The following MAPRE2 variants were observed in gnomAD, a reference collection of about 807,000 sequenced individuals.
MAPRE2 encodes microtubule associated protein RP/EB family member 2, also known as microtubule-associated protein RP/EB family member 2.
In MAPRE2, 13 loss-of-function variants were observed where a neutral mutation model predicts 43.2. That is an observed-to-expected ratio of 0.30 (90% CI 0.20 to 0.48). The LOEUF is 0.48. Among genes scored for constraint, MAPRE2 ranks in the 20% least tolerant of loss-of-function variants. MAPRE2 has a pLI of 0.99. For missense variants in MAPRE2, 161 were observed against 400.2 expected, an observed-to-expected ratio of 0.40 and a Z score of 5.10; for synonymous variants, 135 against 148.8, an observed-to-expected ratio of 0.91 and a Z score of 0.68.
chr18:35,070,193 A>T lies in MAPRE2; in HGVS notation c.123-2A>T. ...GTTAAATAAACTTTGTTTTTTTTCT[A>T]GTTGGGGAATGGCGGTCAATGTGTA... On this transcript the variant is annotated splice_acceptor_variant, in intron 1 of 6. Coordinates refer to ENST00000300249, the MANE Select transcript of MAPRE2 (RefSeq NM_014268.4). LOFTEE classifies it high-confidence loss of function. 1.3e-6 allele frequency: 2 copies of T among 1,574,170 alleles called. No homozygotes were observed. Among genetic ancestry groups the T allele is most frequent in the Admixed American group, 4.0e-5 (2 of 49,392 alleles).
intron 2 of MAPRE2, among the ~76,000 whole-genome samples, chr18:35,031,475 C>A (rs902217162): frequency 6.6e-6 from 1 of 152,154 alleles, no homozygotes; most frequent in Non-Finnish European, 1.5e-5. Context: ...TTCAAAAGTA[C>A]ATTTTTGTTT....
intron 1 of MAPRE2, among the ~76,000 whole-genome samples, chr18:35,055,319 G>A (rs1294086328): frequency 6.6e-6 from 1 of 152,068 alleles, no homozygotes; most frequent in African/African-American, 2.4e-5. Context: ...TTGGCTTGCA[G>A]CTTCATCACG....
intron 1 of MAPRE2, among the ~76,000 whole-genome samples, chr18:34,979,086 T>A (rs2097014728): frequency 6.6e-6 from 1 of 152,136 alleles, no homozygotes; most frequent in South Asian, 2.1e-4. Flanking sequence ...GAAAAGACGC[T>A]GAAACTGGAG....
At chr18:34,996,184 A>T (rs766098934) in intron 1 of MAPRE2, among the ~76,000 whole-genome samples, 32 of 152,082 alleles carry the variant, frequency 2.1e-4, no homozygotes, top group Non-Finnish European at 4.3e-4. Flanking sequence ...CTGTGATATG[A>T]TTATTTTGTG....
At chr18:35,010,229 A>G (rs2097033832) in intron 2 of MAPRE2, among the ~76,000 whole-genome samples, 1 of 152,144 alleles carries the variant, frequency 6.6e-6, no homozygotes, top group Admixed American at 6.5e-5. Context: ...TCTCTACAAA[A>G]AAAATAAATA....
intron 1 of MAPRE2, among the ~76,000 whole-genome samples, chr18:34,985,094 T>C (rs2097018853): frequency 1.1e-5 from 1 of 88,370 alleles, no homozygotes; most frequent in Admixed American, 2.1e-4. Context: ...AAATATATAT[T>C]ATATAATATA....
chr18:35,090,286 AG>A (rs1307094877), intron 2 of MAPRE2, among the ~76,000 whole-genome samples: 1 of 152,196 alleles, frequency 6.6e-6, no homozygotes, highest in African/African-American at 2.4e-5. Context: ...GTTGAACTTT[AG>A]GGTATATGAA....
At chr18:34,996,038 G>C (rs1303868949) in intron 1 of MAPRE2, among the ~76,000 whole-genome samples, 1 of 152,162 alleles carries the variant, frequency 6.6e-6, no homozygotes, top group Non-Finnish European at 1.5e-5. Context: ...AGATGAACCT[G>C]ATAGTTAAAA....
At chr18:34,977,592 G>A (rs2097013905) in intron 1 of MAPRE2, among the ~76,000 whole-genome samples, 1 of 152,306 alleles carries the variant, frequency 6.6e-6, no homozygotes, top group South Asian at 2.1e-4. Flanking sequence ...GCTGGCGCTC[G>A]CGCGCTTGGG....
chr18:35,067,846 GACT>G (rs1190431482), intron 1 of MAPRE2, among the ~76,000 whole-genome samples: 3 of 152,064 alleles, frequency 2.0e-5, no homozygotes, highest in Non-Finnish European at 4.4e-5. Flanking sequence ...TTTAAAAATT[GACT>G]ACATTTAAAA....
In MAPRE2 at chr18:35,118,261, CA is replaced by C. The variant is rs1909500685; in HGVS notation, c.611-8686del. 2.6e-5 allele frequency among the ~76,000 whole-genome samples: 4 copies of C among 152,270 alleles called. No homozygotes were observed. The South Asian group carries it at 8.3e-4, about 32-fold the overall frequency. On this transcript the variant is annotated intron_variant, in intron 4 of 6. Coordinates refer to ENST00000300249, the MANE Select transcript of MAPRE2 (RefSeq NM_014268.4). Reference sequence around the variant, plus strand: ...AGCGCGCCTCACTCGTATGCTCTCCCAGGGGCAGAGCCATTTATTTTACACT... The same window carrying C: ...AGCGCGCCTCACTCGTATGCTCTCCCGGGGCAGAGCCATTTATTTTACACT...
chr18:35,048,022 A>G (rs969536629), intron 1 of MAPRE2, among the ~76,000 whole-genome samples: 12 of 152,206 alleles, frequency 7.9e-5, no homozygotes, highest in Non-Finnish European at 1.5e-4. Flanking sequence ...TTTGGAACAG[A>G]AAGACAACAT....
intron 1 of MAPRE2, among the ~76,000 whole-genome samples, chr18:35,057,798 A>G (rs1906316172): frequency 6.6e-6 from 1 of 152,148 alleles, no homozygotes; most frequent in African/African-American, 2.4e-5. Flanking sequence ...TGAGAGAATC[A>G]TTTCACATGG....
At chr18:35,069,091 C>T (rs1024213900) in intron 1 of MAPRE2, among the ~76,000 whole-genome samples, 6 of 152,054 alleles carry the variant, frequency 3.9e-5, no homozygotes, top group East Asian at 1.9e-4. Flanking sequence ...CAGAGGACAG[C>T]GGAACATGTT....
At chr18:35,051,370 G>C (rs1035550038) in intron 1 of MAPRE2, among the ~76,000 whole-genome samples, 6 of 152,172 alleles carry the variant, frequency 3.9e-5, no homozygotes, top group African/African-American at 1.4e-4. Flanking sequence ...GTTTGAGTTT[G>C]GGAAGCCAAT....
chr18:34,990,199 C>T (rs1199331309), intron 1 of MAPRE2, among the ~76,000 whole-genome samples: 12 of 152,160 alleles, frequency 7.9e-5, no homozygotes, highest in Non-Finnish European at 8.8e-5. Flanking sequence ...GGTCCCCTTT[C>T]GTTGCAGTCT....
chr18:34,995,354 G>A (rs2097025965), intron 1 of MAPRE2, among the ~76,000 whole-genome samples: 1 of 152,188 alleles, frequency 6.6e-6, no homozygotes, highest in East Asian at 1.9e-4. Context: ...CAAGCACACT[G>A]GATATATGTG....
intron 2 of MAPRE2, among the ~76,000 whole-genome samples, chr18:35,010,672 C>G (rs1186731738): frequency 1.3e-5 from 2 of 152,136 alleles, no homozygotes. Context: ...TTAACGTTCT[C>G]ATTTCTGAGT....
intron 2 of MAPRE2, among the ~76,000 whole-genome samples, chr18:35,086,018 T>C (rs1907858704): frequency 6.6e-6 from 1 of 152,212 alleles, no homozygotes; most frequent in Admixed American, 6.5e-5. Flanking sequence ...ATTGAGGTTG[T>C]TGTGCTTTTC....
Sources: allele counts gnomAD v4.1 joint callset (sites outside exome capture counted in the v4.1 genomes callset), GRCh38; gene constraint gnomAD v4.1.1; transcripts MANE v1.5; gene names NCBI Gene and HGNC (gene_info 2026-07-23, HGNC 2026-07-21).